ABTB3: variants seen among roughly 807,000 people sequenced by gnomAD.
ABTB3 encodes ankyrin repeat and BTB domain containing 3.
chr12:107,625,001 A>G, the ABTB3 span, among the ~76,000 whole-genome samples: 3 of 152,138 alleles, frequency 2.0e-5, no homozygotes, highest in Non-Finnish European at 4.4e-5. Flanking sequence ...TGGTGTTGTC[A>G]CTATTTTTCA....
At chr12:107,580,852 TTCCCAGA>T in the ABTB3 span, 1 of 1,545,130 alleles carries the variant, frequency 6.5e-7, no homozygotes, top group Non-Finnish European at 8.7e-7. Flanking sequence ...AGGGATAATA[TTCCCAGA>T]TCAGTTACCT....
the ABTB3 span, among the ~76,000 whole-genome samples, chr12:107,608,200 TAGCCACCGTCTCAACTC>T: frequency 1.4e-4 from 22 of 152,260 alleles, no homozygotes; most frequent in African/African-American, 4.6e-4. Flanking sequence ...TCCATCCCAG[TAGCCACCGTCTCAACTC>T]AGCCCCTCGT....
At chr12:107,587,332 CA>C in the ABTB3 span, among the ~76,000 whole-genome samples, 1 of 152,130 alleles carries the variant, frequency 6.6e-6, no homozygotes, top group African/African-American at 2.4e-5. Context: ...CGGGCAGGGG[CA>C]GGGGAGCCTG....
the ABTB3 span, among the ~76,000 whole-genome samples, chr12:107,420,442 A>G: frequency 6.6e-6 from 1 of 152,212 alleles, no homozygotes; most frequent in Non-Finnish European, 1.5e-5. Flanking sequence ...CAGGCAAGAG[A>G]GCATGTGCAG....
At chr12:107,328,913 G>T in the ABTB3 span, among the ~76,000 whole-genome samples, 1 of 152,146 alleles carries the variant, frequency 6.6e-6, no homozygotes, top group Non-Finnish European at 1.5e-5. Context: ...TTGTCCTTGC[G>T]CATAATATGT....
the ABTB3 span, among the ~76,000 whole-genome samples, chr12:107,394,386 T>C: frequency 9.2e-5 from 14 of 152,190 alleles, no homozygotes; most frequent in Non-Finnish European, 1.5e-4. Context: ...AAAGGTACTG[T>C]CATTAGTACT....
the ABTB3 span, among the ~76,000 whole-genome samples, chr12:107,411,455 A>T: frequency 6.6e-6 from 1 of 152,244 alleles, no homozygotes; most frequent in African/African-American, 2.4e-5. Context: ...AAATTTATGT[A>T]AGGCACCAAT....
chr12:107,637,467 A>G, the ABTB3 span, among the ~76,000 whole-genome samples: 2 of 152,236 alleles, frequency 1.3e-5, no homozygotes, highest in East Asian at 3.8e-4. Context: ...GTTGGCACCA[A>G]GAAGAAAAGA....
At chr12:107,380,308 T>G in the ABTB3 span, among the ~76,000 whole-genome samples, 2,380 of 152,336 alleles carry the variant, frequency 0.016, 77 homozygotes, top group African/African-American at 0.054. Context: ...TTGCTGGGAT[T>G]AGGGACGGAG....
chr12:107,441,774 CAA>C, the ABTB3 span, among the ~76,000 whole-genome samples: 6 of 80,002 alleles, frequency 7.5e-5, no homozygotes, highest in Non-Finnish European at 7.1e-5. Context: ...CTTGTCTCTA[CAA>C]AAAAAAAAAA....
the ABTB3 span, among the ~76,000 whole-genome samples, chr12:107,367,032 A>G: frequency 6.6e-6 from 1 of 152,162 alleles, no homozygotes; most frequent in Non-Finnish European, 1.5e-5. Flanking sequence ...ACAGCCCCCA[A>G]CCACTCCCCA....
At chr12:107,330,469 A>G in the ABTB3 span, among the ~76,000 whole-genome samples, 1 of 152,332 alleles carries the variant, frequency 6.6e-6, no homozygotes, top group Admixed American at 6.5e-5. Flanking sequence ...AACTCAATTT[A>G]AAAACAGAAT....
the ABTB3 span, among the ~76,000 whole-genome samples, chr12:107,464,301 T>C: frequency 6.6e-6 from 1 of 151,274 alleles, no homozygotes; most frequent in Admixed American, 6.6e-5. Context: ...GAGGAGGTGG[T>C]GACTGTTTTT....
chr12:107,543,792 G>C, the ABTB3 span: 31 of 679,602 alleles, frequency 4.6e-5, no homozygotes, highest in East Asian at 8.5e-4. Flanking sequence ...CTCTCTGCTT[G>C]GTGAGTGACT....
At chr12:107,339,181 T>C in the ABTB3 span, among the ~76,000 whole-genome samples, 2 of 152,170 alleles carry the variant, frequency 1.3e-5, no homozygotes, top group Admixed American at 6.5e-5. Context: ...CCTGGGCTCC[T>C]TGCACCTTTC....
At chr12:107,413,128 G>C in the ABTB3 span, among the ~76,000 whole-genome samples, 1 of 151,996 alleles carries the variant, frequency 6.6e-6, no homozygotes, top group Non-Finnish European at 1.5e-5. Context: ...CAAAAAATTA[G>C]CCGGGCGTGG....
the ABTB3 span, among the ~76,000 whole-genome samples, chr12:107,491,335 A>G: frequency 8.5e-4 from 130 of 152,304 alleles, no homozygotes; most frequent in African/African-American, 2.7e-3. Context: ...TGGTACCAGA[A>G]GTGTGTCATT....
chr12:107,526,751 A>G, the ABTB3 span, among the ~76,000 whole-genome samples: 1 of 152,168 alleles, frequency 6.6e-6, no homozygotes, highest in Non-Finnish European at 1.5e-5. Flanking sequence ...ATTAATTTAC[A>G]ACTGTATAAA....
the ABTB3 span, chr12:107,618,479 C>A: frequency 2.1e-6 from 2 of 974,172 alleles, no homozygotes; most frequent in Non-Finnish European, 3.0e-6. Context: ...ACATGCAAAA[C>A]ACGCACATGC....
Sources: gnomAD v4.1 joint callset for allele counts (sites outside exome capture counted in the v4.1 genomes callset) on GRCh38, gnomAD v4.1.1 for gene constraint, MANE v1.5 for transcripts, NCBI Gene and HGNC (gene_info 2026-07-23, HGNC 2026-07-21) for gene names.